Variants in PTPRD observed in about 807,000 individuals in gnomAD.
The protein encoded by PTPRD is receptor-type tyrosine-protein phosphatase delta.
A neutral mutation model predicts 214.5 loss-of-function variants in PTPRD; 34 were observed. That is an observed-to-expected ratio of 0.16 (90% confidence interval 0.12 to 0.21). PTPRD has a LOEUF of 0.21. Ranked by LOEUF, PTPRD falls within the 10% of genes least tolerant of loss-of-function variation. The pLI, the probability that PTPRD is intolerant of heterozygous loss-of-function variation, is 1.00. For synonymous variants in PTPRD, 1,128 were observed against 845.7 expected (o/e 1.33, Z -5.79); for missense variants, 2,545 against 2,398.7 (o/e 1.06, Z -1.27).
chr9:10,112,766 C>T (rs2890901), intron 3 of PTPRD, among the ~76,000 whole-genome samples: 17,628 of 152,166 alleles, frequency 0.12, 1,135 homozygotes, highest in South Asian at 0.27. Context: ...CTAGGAAGAA[C>T]GAGAACAATG....
intron 11 of PTPRD, among the ~76,000 whole-genome samples, chr9:8,816,143 T>C (rs1380690968): frequency 6.6e-6 from 1 of 152,150 alleles, no homozygotes; most frequent in East Asian, 1.9e-4. Flanking sequence ...AGTAACATCA[T>C]TCACAGGACA....
chr9:8,484,014 C>T (rs1404548004), intron 30 of PTPRD, 105 bp downstream of exon 30: 6 of 1,397,646 alleles, frequency 4.3e-6, no homozygotes, highest in African/African-American at 2.9e-5. Context: ...GAATCTTTCA[C>T]TACATTAAGC....
intron 4 of PTPRD, among the ~76,000 whole-genome samples, chr9:10,007,937 A>G (rs946978601): frequency 7.2e-5 from 11 of 151,984 alleles, no homozygotes; most frequent in Non-Finnish European, 1.2e-4. Flanking sequence ...TTTTCTCATC[A>G]TATTTCTATA....
chr9:9,853,357 T>C (rs7037023), intron 5 of PTPRD, among the ~76,000 whole-genome samples: 20,944 of 152,190 alleles, frequency 0.14, 1,840 homozygotes, highest in Non-Finnish European at 0.2. Flanking sequence ...TCTTGGTTTT[T>C]TCTCAGCCAT....
intron 10 of PTPRD, among the ~76,000 whole-genome samples, chr9:9,035,444 G>A (rs1481645064): frequency 6.6e-6 from 1 of 151,946 alleles, no homozygotes; most frequent in Admixed American, 6.6e-5. Flanking sequence ...AATATCAAAG[G>A]GGAAGGTGCC....
At chr9:8,699,681 T>G (rs10977254) in intron 12 of PTPRD, among the ~76,000 whole-genome samples, 5 of 152,008 alleles carry the variant, frequency 3.3e-5, no homozygotes, top group Non-Finnish European at 5.9e-5. Flanking sequence ...ATAAACAAGT[T>G]GTAAAAAATT....
At chr9:10,533,915 T>C (rs1447091337) in intron 2 of PTPRD, among the ~76,000 whole-genome samples, 2 of 151,726 alleles carry the variant, frequency 1.3e-5, no homozygotes, top group Non-Finnish European at 2.9e-5. Context: ...TAGGAAGTTT[T>C]TTTTAATTAA....
chr9:8,802,564 A>C (rs2096593154), intron 11 of PTPRD, among the ~76,000 whole-genome samples: 2 of 152,186 alleles, frequency 1.3e-5, no homozygotes, highest in Admixed American at 6.5e-5. Context: ...AACTGGCCTC[A>C]CTCAGCCTGC....
chr9:10,064,418 G>T (rs2097840095), intron 3 of PTPRD, among the ~76,000 whole-genome samples: 1 of 151,844 alleles, frequency 6.6e-6, no homozygotes, highest in Admixed American at 6.6e-5. Flanking sequence ...AATCTATATA[G>T]GCTTCCTATT....
At chr9:9,448,985 C>T (rs532953534) in intron 8 of PTPRD, among the ~76,000 whole-genome samples, 1 of 152,182 alleles carries the variant, frequency 6.6e-6, no homozygotes, top group Non-Finnish European at 1.5e-5. Flanking sequence ...TGAGGAATTC[C>T]TATCTCCACT....
chr9:9,710,122 C>A (rs553119627), intron 7 of PTPRD, among the ~76,000 whole-genome samples: 2 of 151,988 alleles, frequency 1.3e-5, no homozygotes, highest in Admixed American at 6.6e-5. Context: ...ATTATCAGAG[C>A]AATCTGAATT....
In PTPRD at chr9:8,445,753, T is replaced by C. The variant is rs2095700989; in HGVS notation, c.3988+3972A>G. Reference sequence around the variant, plus strand: ...GATGCAGCAATCGGTTAAGTCACAATTACATTATGCTCAATAAGAGAAAAA... The same window carrying C: ...GATGCAGCAATCGGTTAAGTCACAACTACATTATGCTCAATAAGAGAAAAA... On this transcript the variant is annotated intron_variant, in intron 34 of 45. Coordinates refer to ENST00000381196, the MANE Select transcript of PTPRD (RefSeq NM_002839.4). Among the ~76,000 whole-genome samples the C allele has an allele frequency of 3.3e-5, 5 of 152,296 alleles. No individual in the cohort carries two copies. In the South Asian group the frequency reaches 8.3e-4, roughly 25 times the overall value.
chr9:8,328,714 G>A (rs1836557894), intron 44 of PTPRD, among the ~76,000 whole-genome samples: 1 of 151,818 alleles, frequency 6.6e-6, no homozygotes, highest in Non-Finnish European at 1.5e-5. Context: ...TTTCTCGGAG[G>A]CTTTGTTCAT....
intron 5 of PTPRD, among the ~76,000 whole-genome samples, chr9:9,905,537 G>A (rs1044704362): frequency 6.6e-6 from 1 of 151,724 alleles, no homozygotes; most frequent in African/African-American, 2.4e-5. Context: ...TTAAAAAGTT[G>A]TTCAATAAAG....
At chr9:8,986,676 T>C (rs1259150964) in intron 11 of PTPRD, among the ~76,000 whole-genome samples, 1 of 152,034 alleles carries the variant, frequency 6.6e-6, no homozygotes, top group African/African-American at 2.4e-5. Flanking sequence ...GAACACAAAT[T>C]TTGTAAAAAC....
intron 5 of PTPRD, among the ~76,000 whole-genome samples, chr9:9,802,980 C>T (rs1322046615): frequency 2.6e-5 from 4 of 151,732 alleles, no homozygotes; most frequent in African/African-American, 4.8e-5. Context: ...TATTACTGAA[C>T]TACAAGGAAT....
chr9:8,873,958 A>G (rs572979177), intron 11 of PTPRD, among the ~76,000 whole-genome samples: 2 of 152,296 alleles, frequency 1.3e-5, no homozygotes, highest in East Asian at 3.9e-4. Flanking sequence ...AAAACATAAT[A>G]CGGAGTCTCT....
intron 9 of PTPRD, among the ~76,000 whole-genome samples, chr9:9,311,919 A>C (rs1489774080): frequency 2.6e-5 from 4 of 152,164 alleles, no homozygotes; most frequent in African/African-American, 9.7e-5. Flanking sequence ...TTGCACATTA[A>C]CTTTTTATAC....
intron 14 of PTPRD, among the ~76,000 whole-genome samples, chr9:8,620,356 C>T (rs1595446908): frequency 6.6e-6 from 1 of 152,038 alleles, no homozygotes; most frequent in Non-Finnish European, 1.5e-5. Flanking sequence ...CTTTAATAAA[C>T]AAGACAGCAT....
Sources: allele counts gnomAD v4.1 joint callset (sites outside exome capture counted in the v4.1 genomes callset), GRCh38; gene constraint gnomAD v4.1.1; transcripts MANE v1.5; gene names NCBI Gene and HGNC (gene_info 2026-07-23, HGNC 2026-07-21).